The following B3GALT1 variants were observed in gnomAD, a reference collection of about 807,000 sequenced individuals.
The protein encoded by B3GALT1 is beta-1,3-galactosyltransferase 1.
A neutral mutation model predicts 23.2 loss-of-function variants in B3GALT1; 10 were observed. That is an observed-to-expected ratio of 0.43 (90% CI 0.27 to 0.73). B3GALT1 has a LOEUF of 0.73. Among genes scored for constraint, B3GALT1 ranks in the 30% least tolerant of loss-of-function variants. B3GALT1 has a pLI of 0.21. For missense variants in B3GALT1, 299 were observed against 405.4 expected (o/e 0.74, Z 2.25); for synonymous variants, 156 against 141.5 (o/e 1.10, Z -0.73).
chr2:167,714,680 T>C (rs4086156), intron 3 of B3GALT1: 1 of 1,613,884 alleles, frequency 6.2e-7, no homozygotes, highest in Non-Finnish European at 8.5e-7. Flanking sequence ...CAACCAATTA[T>C]TATGTCCTTT....
chr2:167,409,784 C>T (rs1006181024), intron 1 of B3GALT1, among the ~76,000 whole-genome samples: 12 of 151,672 alleles, frequency 7.9e-5, no homozygotes, highest in African/African-American at 2.9e-4. Context: ...ACAACAGATG[C>T]TGGCGAAGGT....
chr2:167,780,091 A>G (rs754974450), intron 3 of B3GALT1, among the ~76,000 whole-genome samples: 1 of 152,224 alleles, frequency 6.6e-6, no homozygotes, highest in Non-Finnish European at 1.5e-5. Context: ...ATATATTACA[A>G]GTGTTTATTT....
chr2:167,393,482 G>A (rs766000926), intron 1 of B3GALT1, among the ~76,000 whole-genome samples: 7 of 152,048 alleles, frequency 4.6e-5, no homozygotes, highest in Non-Finnish European at 7.4e-5. Context: ...GGAAAACAGT[G>A]TGAAACAAAG....
chr2:167,648,107 T>C (rs16854000), intron 3 of B3GALT1, among the ~76,000 whole-genome samples: 2,303 of 152,198 alleles, frequency 0.015, 70 homozygotes, highest in African/African-American at 0.053. Context: ...AGTGTAATCA[T>C]CCTAGCCTCA....
At chr2:167,439,912 C>A (rs1225033991) in intron 1 of B3GALT1, among the ~76,000 whole-genome samples, 7 of 150,172 alleles carry the variant, frequency 4.7e-5, no homozygotes, top group African/African-American at 1.8e-4. Flanking sequence ...GTAATAAAAG[C>A]AGGATACTTC....
intron 1 of B3GALT1, among the ~76,000 whole-genome samples, chr2:167,439,586 G>T (rs1419765493): frequency 2.0e-5 from 3 of 151,262 alleles, no homozygotes; most frequent in African/African-American, 4.9e-5. Flanking sequence ...TAAGTTTTAG[G>T]GTACATGTGC....
chr2:167,335,736 G>C (rs542083437), intron 1 of B3GALT1, among the ~76,000 whole-genome samples: 5 of 152,212 alleles, frequency 3.3e-5, no homozygotes, highest in Admixed American at 1.3e-4. Context: ...GTTCACTTTC[G>C]TTGCCTTGAG....
At chr2:167,714,755 T>A in intron 3 of B3GALT1, 2 of 1,613,874 alleles carry the variant, frequency 1.2e-6, no homozygotes, top group South Asian at 2.2e-5. Flanking sequence ...TTCTTCAAGA[T>A]CTTTGGCTAG....
chr2:167,529,022 T>C (rs149717571), intron 2 of B3GALT1, among the ~76,000 whole-genome samples: 14 of 152,272 alleles, frequency 9.2e-5, no homozygotes, highest in Admixed American at 3.3e-4. Context: ...TATCACTCCA[T>C]TGAAATGCTT....
In B3GALT1 at chr2:167,477,006, A is replaced by G. The variant is rs562975411; in HGVS notation, c.-510-13171A>G. 5.3e-5 allele frequency among the ~76,000 whole-genome samples: 8 copies of G among 152,342 alleles called. No individual in the cohort carries two copies. In the East Asian group the frequency reaches 1.5e-3, roughly 29 times the overall value. ...CCAATTACTTTCAAAGTGTTTGATC[A>G]TATCCATGTTTTCATCAATTATTCA... On this transcript the variant is annotated intron_variant, in intron 1 of 4. Coordinates refer to ENST00000392690, the MANE Select transcript of B3GALT1 (RefSeq NM_020981.4).
At chr2:167,867,566 T>A (rs767798147) in intron 4 of B3GALT1, among the ~76,000 whole-genome samples, 32 of 152,356 alleles carry the variant, frequency 2.1e-4, no homozygotes, top group Admixed American at 2.6e-4. Flanking sequence ...TTGTCTCTGC[T>A]GTTCACATCG....
At chr2:167,688,222 G>C (rs1686648295) in intron 3 of B3GALT1, among the ~76,000 whole-genome samples, 1 of 152,022 alleles carries the variant, frequency 6.6e-6, no homozygotes, top group South Asian at 2.1e-4. Context: ...ATATGAAAAA[G>C]AGGACATAAT....
chr2:167,659,524 A>G (rs1043048872), intron 3 of B3GALT1, among the ~76,000 whole-genome samples: 1 of 152,122 alleles, frequency 6.6e-6, no homozygotes, highest in Non-Finnish European at 1.5e-5. Context: ...TCAGTCACAT[A>G]CATTGTACGG....
At chr2:167,540,359 C>T (rs1380825274) in intron 2 of B3GALT1, among the ~76,000 whole-genome samples, 1 of 152,176 alleles carries the variant, frequency 6.6e-6, no homozygotes, top group Non-Finnish European at 1.5e-5. Flanking sequence ...AGGAAAATCT[C>T]AGGCCCCATC....
At chr2:167,331,721 C>A (rs1044091508) in intron 1 of B3GALT1, among the ~76,000 whole-genome samples, 16 of 152,086 alleles carry the variant, frequency 1.1e-4, no homozygotes, top group Non-Finnish European at 2.4e-4. Flanking sequence ...CCTGGTGGTA[C>A]CTAAAGACAC....
Position 167,863,506 on chromosome 2 carries a change from C to G in B3GALT1, c.-229-5305C>G, listed in dbSNP as rs527839486. Among the ~76,000 whole-genome samples, 10 of 152,292 alleles carry G rather than the reference C, an allele frequency of 6.6e-5. No individual in the cohort carries two copies. The South Asian group carries it at 2.1e-3, about 32-fold the overall frequency. On this transcript the variant is annotated intron_variant, in intron 4 of 4. Transcript: ENST00000392690. ...GATAAAACAGATTTATTTGTGCCCTCTCTTTATGTTTAAGGCTACTGAGAC... is the reference window on the plus strand; with the variant it reads ...GATAAAACAGATTTATTTGTGCCCTGTCTTTATGTTTAAGGCTACTGAGAC...
chr2:167,803,918 T>G (rs1688692998), intron 3 of B3GALT1, among the ~76,000 whole-genome samples: 1 of 152,210 alleles, frequency 6.6e-6, no homozygotes, highest in South Asian at 2.1e-4. Flanking sequence ...TCACAGGTCC[T>G]TTTGTATTTA....
At chr2:167,671,206 A>G (rs374952913) in intron 3 of B3GALT1, among the ~76,000 whole-genome samples, 1 of 152,184 alleles carries the variant, frequency 6.6e-6, no homozygotes, top group African/African-American at 2.4e-5. Context: ...CAGCAATACA[A>G]TAGTATTAGG....
At chr2:167,503,896 C>A (rs1460883565) in intron 2 of B3GALT1, among the ~76,000 whole-genome samples, 1 of 152,176 alleles carries the variant, frequency 6.6e-6, no homozygotes, top group African/African-American at 2.4e-5. Flanking sequence ...CATTTACACA[C>A]TAGACCCATA....
Sources: allele counts gnomAD v4.1 joint callset (sites outside exome capture counted in the v4.1 genomes callset), GRCh38; gene constraint gnomAD v4.1.1; transcripts MANE v1.5; gene names NCBI Gene and HGNC (gene_info 2026-07-23, HGNC 2026-07-21).